The following REPS1 variants were observed in gnomAD, a reference collection of about 807,000 sequenced individuals.
The protein encoded by REPS1 is RALBP1 associated Eps domain containing 1.
In REPS1, 39 loss-of-function variants were observed where a neutral mutation model predicts 100.9. That is an observed-to-expected ratio of 0.39 (90% CI 0.30 to 0.50). The LOEUF (loss-of-function observed/expected upper bound fraction) is 0.50. Ranked by LOEUF, REPS1 falls within the 20% of genes least tolerant of loss-of-function variation. The pLI, the probability that REPS1 is intolerant of heterozygous loss-of-function variation, is 0.86. For missense variants in REPS1, 821 were observed against 968.5 expected (o/e 0.85, Z 2.02); for synonymous variants, 324 against 340.3 (o/e 0.95, Z 0.53).
At chr6:138,906,192 A>C (rs1779639231) in intron 19 of REPS1, among the ~76,000 whole-genome samples, 1 of 152,230 alleles carries the variant, frequency 6.6e-6, no homozygotes, top group Admixed American at 6.5e-5. Flanking sequence ...ATAATCATAT[A>C]ACTACAAATG....
In REPS1 at chr6:138,912,962, T is replaced by C; in HGVS notation, c.1786-12A>G. 6.2e-7 allele frequency: 1 copy of C among 1,603,412 alleles called. No individual in the cohort carries two copies. The highest frequency in any genetic ancestry group is 1.1e-5 in the South Asian group (1 of 90,234). On this transcript the variant is annotated splice_polypyrimidine_tract_variant and intron_variant, in intron 15 of 19. Coordinates refer to ENST00000450536, the MANE Select transcript of REPS1 (RefSeq NM_001286611.2). ...GCAGGACCAGGAGCCTGTGCAATGG[T>C]TCAGAACAGAGGAACACACATTCTA...
chr6:138,971,734 A>G (rs778289178), intron 1 of REPS1, among the ~76,000 whole-genome samples: 7 of 152,144 alleles, frequency 4.6e-5, no homozygotes, highest in Non-Finnish European at 7.4e-5. Flanking sequence ...TTCTCTTCTC[A>G]TGCCCAGAAT....
chr6:138,931,553 G>A (rs764998474), intron 8 of REPS1, among the ~76,000 whole-genome samples: 5 of 152,028 alleles, frequency 3.3e-5, no homozygotes, highest in Non-Finnish European at 7.4e-5. Context: ...GTCCAGAATT[G>A]TATTCTGATT....
Position 138,980,645 on chromosome 6 carries a change from T to G in REPS1, c.153+6885A>C, listed in dbSNP as rs890006021. 2.1e-5 allele frequency among the ~76,000 whole-genome samples: 3 copies of G among 141,688 alleles called. No homozygotes were observed. The Admixed American group carries it at 2.2e-4, about 10-fold the overall frequency. 93.0% of individuals were successfully genotyped at this position (141,688 alleles called of 152,430 possible). ...CTACCACCCAATGATTCTCTATTAT[T>G]GTACACAGTTCTTTTTTCCTTTTTT... is the stretch of plus-strand genomic sequence containing the variant. On this transcript the variant is annotated intron_variant, in intron 1 of 19. Transcript: ENST00000450536.
intron 7 of REPS1, 130 bp from the exon 8 acceptor site, chr6:138,941,619 A>ATCTTTCTGTGTAT: frequency 2.3e-6 from 2 of 853,686 alleles, no homozygotes; most frequent in Non-Finnish European, 3.6e-6. Context: ...TCCCATACAC[A>ATCTTTCTGTGTAT]GAAAGATGTG....
At chr6:138,950,687 C>T (rs58523749) in intron 1 of REPS1, among the ~76,000 whole-genome samples, 16,049 of 152,130 alleles carry the variant, frequency 0.11, 1,090 homozygotes, top group Non-Finnish European at 0.16. Flanking sequence ...TAGTCCACCC[C>T]TCAATTTTTT....
chr6:138,926,375 A>G (rs1172006268), intron 10 of REPS1, 26 bp downstream of exon 10: 3 of 1,543,322 alleles, frequency 1.9e-6, no homozygotes, highest in Non-Finnish European at 2.7e-6. Flanking sequence ...TTAATCTCAA[A>G]CAAGCAAGCT....
intron 8 of REPS1, among the ~76,000 whole-genome samples, chr6:138,933,274 A>G (rs948929192): frequency 2.0e-5 from 3 of 152,192 alleles, no homozygotes; most frequent in Non-Finnish European, 4.4e-5. Context: ...GATAGTAACT[A>G]TTTTAGGTTT....
rs901896563 is a variant in REPS1, at chr6:138,948,025, T to C, written c.154-112A>G. ...CTCAAAATATCTATCTAATAGATGG[T>C]ATAATACTCACAACTGACAACCAAC... On this transcript the variant is annotated intron_variant, in intron 1 of 19. Transcript: ENST00000450536. 6.3e-5 allele frequency: 56 copies of C among 886,772 alleles called. 1 individual carries two copies. Among genetic ancestry groups the C allele is most frequent in the Admixed American group, 1.9e-4 (5 of 26,422 alleles). The allele number at this position is 886,772 out of a possible 1,614,324, so 54.9% of individuals were successfully genotyped here. A position where few individuals can be genotyped will look rare whatever the true frequency, so the allele number is the denominator to read the frequency against.
At chr6:138,920,018 G>A (rs7341318) in intron 12 of REPS1, among the ~76,000 whole-genome samples, 197 bp downstream of exon 12, 15 of 152,290 alleles carry the variant, frequency 9.8e-5, no homozygotes, top group African/African-American at 3.6e-4. Context: ...AGAGAGGGAT[G>A]GCAAACAGGA....
chr6:138,907,379 A>T lies in REPS1; in HGVS notation c.2322+116T>A, dbSNP rs1582692845. Reference sequence around the variant, plus strand: ...AACTAACCACAGTCAAAGCATCTAGAAAATTAGAGAAGAGAACCATATATG... The same window carrying T: ...AACTAACCACAGTCAAAGCATCTAGTAAATTAGAGAAGAGAACCATATATG... On this transcript the variant is annotated intron_variant, in intron 19 of 19. Transcript: ENST00000450536. 6.3e-6 allele frequency: 4 copies of T among 639,796 alleles called. No individual in the cohort carries two copies. The East Asian group carries it at 1.1e-4, about 18-fold the overall frequency. The allele number at this position is 639,796 out of a possible 1,614,324, so 39.6% of individuals were successfully genotyped here.
At chr6:138,985,606 G>T (rs568095710) in intron 1 of REPS1, among the ~76,000 whole-genome samples, 43 of 152,294 alleles carry the variant, frequency 2.8e-4, no homozygotes, top group Admixed American at 2.7e-3. Context: ...TATCTAGACT[G>T]CTATTTAGTA....
intron 1 of REPS1, among the ~76,000 whole-genome samples, chr6:138,959,372 A>C (rs1783594846): frequency 1.3e-5 from 2 of 152,308 alleles, no homozygotes; most frequent in African/African-American, 2.4e-5. Flanking sequence ...ATCACAAAAC[A>C]AAAAAACTCA....
Position 138,943,964 on chromosome 6 carries a change from G to A in REPS1, c.805C>T (p.Arg269Cys). ...TCATCATAACTACTGGATTGCCTAC[G>A]AATTTCAATGGCAGTTGTAGCTGAT... ...VASATTAIEI[R>C]RQSSSYDDPW... Residue 269 changes from arginine to cysteine, a missense_variant, in exon 6 of 20, where the codon CGT becomes TGT. Physicochemically the swap from Arg to Cys is radical, Grantham distance 180 (BLOSUM62 -3). Around this residue, in one of 3 missense-constraint regions of REPS1, gnomAD observed 757 missense variants for 866.4 expected, o/e 0.87. Transcript: ENST00000450536. The A allele has an allele frequency of 3.1e-6, 5 of 1,613,758 alleles. No individual in the cohort carries two copies. The highest frequency in any genetic ancestry group is 1.7e-5 in the Admixed American group (1 of 60,008).
chr6:138,971,296 C>T (rs11968227), intron 1 of REPS1, among the ~76,000 whole-genome samples: 13,369 of 152,134 alleles, frequency 0.088, 1,227 homozygotes, highest in African/African-American at 0.23. Context: ...ACAAGTAGTA[C>T]AATCTGTAAT....
intron 1 of REPS1, among the ~76,000 whole-genome samples, chr6:138,968,680 G>A (rs1784147610): frequency 6.6e-6 from 1 of 152,054 alleles, no homozygotes; most frequent in Admixed American, 6.5e-5. Flanking sequence ...TGTATAAATG[G>A]AAAATTCTAC....
chr6:138,946,932 G>C (rs1016933299), intron 2 of REPS1, among the ~76,000 whole-genome samples: 1 of 152,140 alleles, frequency 6.6e-6, no homozygotes, highest in Non-Finnish European at 1.5e-5. Context: ...TCCCACATGG[G>C]AGGTGATTAG....
chr6:138,936,393 T>C (rs760323506), intron 8 of REPS1, among the ~76,000 whole-genome samples: 4 of 152,008 alleles, frequency 2.6e-5, no homozygotes, highest in African/African-American at 4.8e-5. Context: ...ATCACCCTCA[T>C]AGAGTTTTTG....
At chr6:138,944,421 G>A in intron 5 of REPS1, 77 bp downstream of exon 5, 1 of 1,491,394 alleles carries the variant, frequency 6.7e-7, no homozygotes, top group East Asian at 2.3e-5. Context: ...ATCTGCAACA[G>A]CAAAATATAA....
Sources: allele counts gnomAD v4.1 joint callset (sites outside exome capture counted in the v4.1 genomes callset), GRCh38; gene constraint gnomAD v4.1.1; regional missense constraint gnomAD v4.1.1; transcripts MANE v1.5; gene names NCBI Gene and HGNC (gene_info 2026-07-23, HGNC 2026-07-21).